ADCK5: variants seen among roughly 807,000 people sequenced by gnomAD.
The protein encoded by ADCK5 is uncharacterized aarF domain-containing protein kinase 5.
Under a neutral mutation model 64.9 loss-of-function variants are expected in ADCK5, and 43 were observed. That is an observed-to-expected ratio of 0.66 (90% CI 0.52 to 0.85). ADCK5 has a LOEUF of 0.85. Ranked by LOEUF, ADCK5 falls within the 40% of genes least tolerant of loss-of-function variation. The pLI, the probability that ADCK5 is intolerant of heterozygous loss-of-function variation, is 0.00. For missense variants in ADCK5, 760 were observed against 810.5 expected (o/e 0.94, Z 0.76); for synonymous variants, 434 against 342.8 (o/e 1.27, Z -2.94).
At chr8:144,388,765 A>C (rs1383222493) in intron 3 of ADCK5, among the ~76,000 whole-genome samples, 51 of 144,988 alleles carry the variant, frequency 3.5e-4, no homozygotes, top group Non-Finnish European at 6.9e-4. Flanking sequence ...TCCGTCTCCA[A>C]AAAAAAAAAA....
At chr8:144,379,636 G>A (rs547082110) in intron 2 of ADCK5, 146 bp downstream of exon 2, 122 of 665,882 alleles carry the variant, frequency 1.8e-4, no homozygotes, top group Non-Finnish European at 2.3e-4. Context: ...TCCTCAGTGC[G>A]GTGCACTGGG....
Position 144,392,529 on chromosome 8 carries a change from A to T in ADCK5, c.1352A>T (p.Glu451Val). 1 of 1,555,980 alleles carries T rather than the reference A, an allele frequency of 6.4e-7. No individual in the cohort carries two copies. The highest frequency in any genetic ancestry group is 1.2e-5 in the South Asian group (1 of 85,528). ...LWGSHLLSRE[E>V]AAYMVDMARE... ...GGCTCGCACCTACTGAGCCGCGAAG[A>T]GGCGGCCTACATGGTGGACATGGCC... The change falls in exon 13 of 15, where the codon GAG (glutamate) becomes GTG (valine). Residue 451 changes from glutamate (E) to valine (V), a missense_variant. By Grantham distance (121) the Glu-to-Val change is moderately radical. Coordinates refer to ENST00000308860, the MANE Select transcript of ADCK5 (RefSeq NM_174922.5).
At position 144,392,426 on chromosome 8, in the gene ADCK5, T is replaced by TCCCCC; in HGVS notation, c.1268-16_1268-15insCCCCC. 25 of 454,738 alleles carry TCCCCC rather than the reference T, an allele frequency of 5.5e-5. No individual in the cohort carries two copies. The highest frequency in any genetic ancestry group is 3.3e-4 in the South Asian group (10 of 29,984). 28.2% of individuals were successfully genotyped at this position (454,738 alleles called of 1,614,324 possible). ...ACCCACTCAGAGCCCCCTCCCTCCC[T>TCCCCC]CCCTCCCTCCCTCCCCAGACTACCT... On this transcript the variant is annotated intron_variant, in intron 12 of 14. Coordinates refer to ENST00000308860, the MANE Select transcript of ADCK5 (RefSeq NM_174922.5).
intron 1 of ADCK5, among the ~76,000 whole-genome samples, chr8:144,377,699 TC>T (rs1192833151): frequency 6.6e-6 from 1 of 152,188 alleles, no homozygotes; most frequent in East Asian, 1.9e-4. Context: ...CCTCTTCTCC[TC>T]CAAGTAAAAG....
intron 3 of ADCK5, among the ~76,000 whole-genome samples, chr8:144,390,031 A>T (rs574031550): frequency 1.3e-5 from 2 of 150,534 alleles, no homozygotes; most frequent in Admixed American, 1.3e-4. Flanking sequence ...GGGTTTCACC[A>T]TGTTGGCCAG....
chr8:144,378,076 C>T (rs1174306182), intron 1 of ADCK5, among the ~76,000 whole-genome samples: 1 of 152,170 alleles, frequency 6.6e-6, no homozygotes, highest in Admixed American at 6.5e-5. Context: ...ATGTTTGATG[C>T]CCTGTCAGCA....
rs1185232298 is a variant in ADCK5, at chr8:144,384,332, T to C, written c.266+1102T>C. ...TCAGTTTCTCAGCAAGTGCCTCGGC[T>C]TCTGGTGCCTTCAGAGATTTCACCA... On this transcript the variant is annotated intron_variant, in intron 3 of 14. Coordinates refer to ENST00000308860, the MANE Select transcript of ADCK5 (RefSeq NM_174922.5). The surrounding 1 kb of genome is among the most constrained non-coding windows in gnomAD (Gnocchi z 5.7). Among the ~76,000 whole-genome samples, 1 of 152,164 alleles carries C rather than the reference T, an allele frequency of 6.6e-6. No individual in the cohort carries two copies. Among genetic ancestry groups the C allele is most frequent in the Non-Finnish European group, 1.5e-5 (1 of 68,018 alleles).
At chr8:144,383,059 A>G in intron 2 of ADCK5, 22 bp from the exon 3 acceptor site, 1 of 1,580,236 alleles carries the variant, frequency 6.3e-7, no homozygotes, top group Non-Finnish European at 8.6e-7. Context: ...CGGCGCCTCC[A>G]GGCTGCATTG....
Position 144,391,884 on chromosome 8 carries a change from G to GGGGCGGGTCA in ADCK5, c.1014+26_1014+35dup, listed in dbSNP as rs1820254210. ...TGCATGACGTGAGTGCGGGGGGGCG[G>GGGGCGGGTCA]GGGCGGGTCAGGGCGGGCTGGTGCT... On this transcript the variant is annotated intron_variant, in intron 9 of 14. Transcript: ENST00000308860. 2.5e-6 allele frequency: 4 copies of GGGGCGGGTCA among 1,605,210 alleles called. No individual in the cohort carries two copies. The highest frequency in any genetic ancestry group is 1.3e-5 in the African/African-American group (1 of 74,732).
intron 3 of ADCK5, 152 bp from the exon 4 acceptor site, chr8:144,390,519 C>T (rs1425507862): frequency 1.9e-5 from 15 of 795,264 alleles, no homozygotes; most frequent in African/African-American, 6.8e-5. Context: ...CACAGGCCTA[C>T]GCGGCTGTAG....
rs1554861709 is a variant in ADCK5 at position 144,393,037 on chromosome 8, C to G, written c.1706C>G (p.Pro569Arg). The change falls in exon 15 of 15, where the codon CCC becomes CGC. Residue 569 changes from proline (P) to arginine (R), a missense_variant. By Grantham distance (103) the Pro-to-Arg change is moderately radical. Transcript: ENST00000308860. ...GCTCTGGTCCACCTGAGCCTCGTGC[C>G]CCCAGCGGAGGAGCTCTACCAGTAC... ...ARALVHLSLV[P>R]PAEELYQYLE... 2 of 1,589,300 alleles carry G rather than the reference C, an allele frequency of 1.3e-6. No homozygotes were observed. Among genetic ancestry groups the G allele is most frequent in the South Asian group, 2.3e-5 (2 of 87,932 alleles).
chr8:144,390,825 C>G, intron 4 of ADCK5, 31 bp from the exon 5 acceptor site: 1 of 1,608,550 alleles, frequency 6.2e-7, no homozygotes, highest in African/African-American at 1.3e-5. Context: ...AGCCACCTGT[C>G]CCCATGTGTT....
Position 144,392,518 on chromosome 8 carries a change from G to T in ADCK5, c.1341G>T (p.Leu447=). 6.5e-7 allele frequency: 1 copy of T among 1,543,744 alleles called. No individual in the cohort carries two copies. Among genetic ancestry groups the T allele is most frequent in the South Asian group, 1.2e-5 (1 of 84,752 alleles). ...GGCAGCTGTGGGGCTCGCACCTACT[G>T]AGCCGCGAAGAGGCGGCCTACATGG... is the stretch of plus-strand genomic sequence containing the variant. ...RLGQLWGSHL[L]SREEAAYMVD... Residue 447 remains leucine, a synonymous_variant, in exon 13 of 15, where the codon CTG becomes CTT. Coordinates refer to ENST00000308860, the MANE Select transcript of ADCK5 (RefSeq NM_174922.5).
intron 1 of ADCK5, chr8:144,375,738 G>GCA: frequency 1.2e-6 from 1 of 818,726 alleles, no homozygotes; most frequent in East Asian, 1.3e-4. Context: ...CAGACAGACT[G>GCA]CACACACTCA....
chr8:144,373,833 T>G (rs1235806390), upstream of ADCK5: 8 of 367,068 alleles, frequency 2.2e-5, no homozygotes, highest in Non-Finnish European at 3.9e-5. Flanking sequence ...GAATGCGCAG[T>G]GCGCCGAGGG....
At chr8:144,374,736 G>C (rs574612056) in intron 1 of ADCK5, among the ~76,000 whole-genome samples, 1 of 152,106 alleles carries the variant, frequency 6.6e-6, no homozygotes, top group Non-Finnish European at 1.5e-5. Flanking sequence ...GCGGGCGGGC[G>C]GGGGCTGCAG....
chr8:144,380,870 A>C (rs1336442463), intron 2 of ADCK5, among the ~76,000 whole-genome samples: 597 of 85,576 alleles, frequency 7.0e-3, no homozygotes, highest in Admixed American at 8.9e-3. Flanking sequence ...CTGCCGCACT[A>C]AGGATTATGG....
rs1260544340 is a variant in ADCK5, at chr8:144,386,330, TA to T, written c.266+3104del. On this transcript the variant is annotated intron_variant, in intron 3 of 14. Transcript: ENST00000308860. ...CCTGAACTAAATTTAACTTTTTTTTTAAAATTTTTTAATTTTTTATTTAACT... is the reference window on the plus strand; with the variant it reads ...CCTGAACTAAATTTAACTTTTTTTTTAAATTTTTTAATTTTTTATTTAACT... Among the ~76,000 whole-genome samples the T allele has an allele frequency of 2.6e-5, 4 of 151,312 alleles. No individual in the cohort carries two copies. The East Asian group carries it at 5.9e-4, about 22-fold the overall frequency.
In ADCK5 at chr8:144,391,718, T is replaced by TGGGC. The variant is rs1330655268; in HGVS notation, c.930+8_930+11dup. 4 of 1,538,730 alleles carry TGGGC rather than the reference T, an allele frequency of 2.6e-6. No homozygotes were observed. The highest frequency in any genetic ancestry group is 3.5e-6 in the Non-Finnish European group (4 of 1,147,128). The stretch of plus-strand genomic sequence containing the variant: ...CTGGGACAAGTCCAGCAAGGTGGGC[T>TGGGC]GGGCCAGGCCCTTGGGGTGGGCACA... On this transcript the variant is annotated splice_region_variant and intron_variant, in intron 8 of 14. Coordinates refer to ENST00000308860, the MANE Select transcript of ADCK5 (RefSeq NM_174922.5).
Sources: allele counts gnomAD v4.1 joint callset (sites outside exome capture counted in the v4.1 genomes callset), GRCh38; gene constraint gnomAD v4.1.1; non-coding constraint Gnocchi (gnomAD v3.1); transcripts MANE v1.5; gene names NCBI Gene and HGNC (gene_info 2026-07-23, HGNC 2026-07-21).